NTRK3: variants seen among roughly 807,000 people sequenced by gnomAD.
NTRK3 encodes the protein neurotrophic receptor tyrosine kinase 3, also known as NT-3 growth factor receptor.
NTRK3 carries 24 observed loss-of-function variants against 91.7 expected under a neutral mutation model. The ratio of observed to expected loss-of-function variants is 0.26; its 90% CI spans 0.19 to 0.37. The LOEUF is 0.37. Ranked by LOEUF, NTRK3 falls within the 10% of genes least tolerant of loss-of-function variation. NTRK3 has a pLI of 1.00. For synonymous variants in NTRK3, 483 were observed against 404.0 expected (o/e 1.20, Z -2.34); for missense variants, 880 against 1,068.9 (o/e 0.82, Z 2.46).
At chr15:88,095,341 T>A (rs2049474981) in intron 13 of NTRK3, among the ~76,000 whole-genome samples, 4 of 152,204 alleles carry the variant, frequency 2.6e-5, no homozygotes, top group Admixed American at 2.6e-4. Context: ...ATTGCAGAAA[T>A]CAAAGGACTG....
At chr15:88,116,684 C>T (rs1032699383) in intron 13 of NTRK3, among the ~76,000 whole-genome samples, 4 of 152,178 alleles carry the variant, frequency 2.6e-5, no homozygotes, top group African/African-American at 9.7e-5. Flanking sequence ...CGCAGCCTTC[C>T]CCAGACCTAT....
exon 5 of NTRK3, chr15:88,183,443 C>T (rs2151613254): frequency 2.7e-5 from 44 of 1,614,114 alleles, no homozygotes; most frequent in Non-Finnish European, 3.5e-5. Context: ...GGGTTCTTGG[C>T]AAAGGCTCTG....
At chr15:87,981,944 T>C (rs2074316892) in intron 14 of NTRK3, among the ~76,000 whole-genome samples, 1 of 152,220 alleles carries the variant, frequency 6.6e-6, no homozygotes, top group African/African-American at 2.4e-5. Flanking sequence ...ACAAAAGCTG[T>C]TAGCTCACTG....
At chr15:88,088,071 A>C (rs2048672162) in intron 13 of NTRK3, among the ~76,000 whole-genome samples, 2 of 152,156 alleles carry the variant, frequency 1.3e-5, no homozygotes, top group Non-Finnish European at 2.9e-5. Flanking sequence ...GTAAATGAAT[A>C]CTTCCAGCTG....
At chr15:88,174,107 C>T (rs886703652) in intron 5 of NTRK3, among the ~76,000 whole-genome samples, 1 of 152,222 alleles carries the variant, frequency 6.6e-6, no homozygotes, top group Non-Finnish European at 1.5e-5. Context: ...GTGGGTAAAA[C>T]TAAAACAAAT....
At chr15:87,876,954 T>C (rs1445400901) in exon 19 of NTRK3, 8 of 1,613,806 alleles carry the variant, frequency 5.0e-6, no homozygotes, top group Non-Finnish European at 6.8e-6. Context: ...AATGTCCAGG[T>C]AGATTGGGGT....
chr15:88,218,771 C>A (rs2050003117), intron 3 of NTRK3, among the ~76,000 whole-genome samples: 1 of 152,260 alleles, frequency 6.6e-6, no homozygotes, highest in Non-Finnish European at 1.5e-5. Flanking sequence ...GCACCTGCAT[C>A]TGCTCCGGTC....
chr15:88,202,087 G>A (rs1360949629), intron 3 of NTRK3, among the ~76,000 whole-genome samples: 1 of 152,022 alleles, frequency 6.6e-6, no homozygotes, highest in Non-Finnish European at 1.5e-5. Flanking sequence ...CACAGATTAG[G>A]ACCCCCAAAC....
rs184396813 is a variant in NTRK3 at position 87,985,315 on chromosome 15, A to G, written c.1586-44562T>C. ...TCTTCCGCATTGCCTGACATGTATA[A>G]GGCACACGACAAAAGGTTGTTGAAT... On this transcript the variant is annotated intron_variant, in intron 14 of 18. Transcript: ENST00000394480. 6.6e-5 allele frequency among the ~76,000 whole-genome samples: 10 copies of G among 152,350 alleles called. No homozygotes were observed. The East Asian group carries it at 1.9e-3, about 29-fold the overall frequency.
At chr15:88,045,111 G>A (rs1205664429) in intron 13 of NTRK3, among the ~76,000 whole-genome samples, 2 of 152,200 alleles carry the variant, frequency 1.3e-5, no homozygotes, top group African/African-American at 4.8e-5. Flanking sequence ...CCTCCAACTA[G>A]AATAGTACAT....
At chr15:87,868,456 G>A (rs944501130) in exon 19 of NTRK3, 2 of 219,148 alleles carry the variant, frequency 9.1e-6, no homozygotes, top group Non-Finnish European at 1.8e-5. Flanking sequence ...AAGACAAGAG[G>A]CAAGTAGGAA....
chr15:87,889,396 CTTTTTTTTT>C lies in NTRK3; in HGVS notation c.2134-8977_2134-8969del, dbSNP rs568030482. Among the ~76,000 whole-genome samples the C allele has an allele frequency of 6.3e-5, 6 of 95,632 alleles. No homozygotes were observed. The Admixed American group carries it at 6.6e-4, about 10-fold the overall frequency. 62.7% of individuals were successfully genotyped at this position (95,632 alleles called of 152,430 possible). A position where few individuals can be genotyped will look rare whatever the true frequency, so the allele number is the denominator to read the frequency against. ...ACCATGCTCGTTAGTTTATTAGTTC[CTTTTTTTTT>C]TTTTTTTTTTTTTTTTGAGACGAAG... On this transcript the variant is annotated intron_variant, in intron 17 of 18. Transcript: ENST00000394480.
chr15:88,032,061 T>G (rs754310041), intron 14 of NTRK3, among the ~76,000 whole-genome samples: 47 of 152,272 alleles, frequency 3.1e-4, no homozygotes, highest in Middle Eastern at 3.4e-3. Context: ...TGCTCTCTCT[T>G]GATGCAGTGG....
At position 88,255,003 on chromosome 15, in the gene NTRK3, A is replaced by C. The variant is rs939786689; in HGVS notation, c.248+903T>G. Among the ~76,000 whole-genome samples the C allele has an allele frequency of 1.5e-4, 23 of 152,088 alleles. No individual in the cohort carries two copies. The highest frequency in any genetic ancestry group is 5.9e-5 in the Non-Finnish European group (4 of 68,012). On this transcript the variant is annotated intron_variant, in intron 3 of 18. Transcript: ENST00000394480. This position sits in a 1 kb window ranked among gnomAD's most constrained non-coding sequence, Gnocchi z 4.3. ...GCCATCCCCACCAAAGAAAAATAGC[A>C]AGGAGAAAAGAGCAGGCCACCACTG...
intron 14 of NTRK3, among the ~76,000 whole-genome samples, chr15:88,018,327 G>C (rs2077377631): frequency 6.6e-6 from 1 of 152,190 alleles, no homozygotes; most frequent in Admixed American, 6.5e-5. Context: ...ACCCAAACTG[G>C]TATCTGTCTG....
At chr15:87,870,925 C>T (rs772001380) in exon 19 of NTRK3, 3 of 230,220 alleles carry the variant, frequency 1.3e-5, no homozygotes, top group Non-Finnish European at 1.7e-5. Flanking sequence ...CAATATTTGC[C>T]TGGGTGATTA....
chr15:88,234,406 G>A lies in NTRK3; in HGVS notation c.248+21500C>T, dbSNP rs1042534404. On this transcript the variant is annotated intron_variant, in intron 3 of 18. Transcript: ENST00000394480. The surrounding 1 kb of genome is among the most constrained non-coding windows in gnomAD (Gnocchi z 6.1). The stretch of plus-strand genomic sequence containing the variant: ...CAAACACCAGCCATCATTATAAGAA[G>A]CCCATATTCCTTGGGCCTGCACAGT... 2.0e-5 allele frequency among the ~76,000 whole-genome samples: 3 copies of A among 152,164 alleles called. No homozygotes were observed. Among genetic ancestry groups the A allele is most frequent in the African/African-American group, 7.2e-5 (3 of 41,428 alleles).
intron 5 of NTRK3, among the ~76,000 whole-genome samples, chr15:88,163,900 G>A (rs549753574): frequency 6.6e-6 from 1 of 152,268 alleles, no homozygotes; most frequent in East Asian, 1.9e-4. Context: ...TATATGCCGT[G>A]CATCTAGGTG....
At chr15:88,223,325 G>A (rs755811836) in intron 3 of NTRK3, among the ~76,000 whole-genome samples, 4 of 152,344 alleles carry the variant, frequency 2.6e-5, no homozygotes, top group East Asian at 1.9e-4. Flanking sequence ...GGGGCTGGCC[G>A]CTGGTCACAG....
Sources: allele counts gnomAD v4.1 joint callset (sites outside exome capture counted in the v4.1 genomes callset), GRCh38; gene constraint gnomAD v4.1.1; non-coding constraint Gnocchi (gnomAD v3.1); transcripts MANE v1.5; gene names NCBI Gene and HGNC (gene_info 2026-07-23, HGNC 2026-07-21).